The following LRFN5 variants were observed in gnomAD, a reference collection of about 807,000 sequenced individuals.
LRFN5 encodes the protein leucine-rich repeat and fibronectin type-III domain-containing protein 5.
A neutral mutation model predicts 45.6 loss-of-function variants in LRFN5; 24 were observed. The ratio of observed to expected loss-of-function variants is 0.53; its 90% confidence interval spans 0.38 to 0.74. The LOEUF (loss-of-function observed/expected upper bound fraction) is 0.74. LRFN5 is among the 30% of genes least tolerant of loss of function. LRFN5 has a pLI of 0.00. For missense variants in LRFN5, 776 were observed against 861.5 expected (o/e 0.90, Z 1.24); for synonymous variants, 340 against 313.8 (o/e 1.08, Z -0.88).
chr14:41,803,805 C>G (rs183325530), intron 2 of LRFN5, among the ~76,000 whole-genome samples: 130 of 152,190 alleles, frequency 8.5e-4, no homozygotes, highest in African/African-American at 3.0e-3. Flanking sequence ...AGAGGAAATG[C>G]AATGGAGAAA....
chr14:41,884,666 C>G (rs1183634656), intron 2 of LRFN5, among the ~76,000 whole-genome samples: 1 of 152,068 alleles, frequency 6.6e-6, no homozygotes, highest in Non-Finnish European at 1.5e-5. Flanking sequence ...TAACACCCTC[C>G]CCTTAACGAT....
At chr14:41,816,326 C>A (rs930737511) in intron 2 of LRFN5, among the ~76,000 whole-genome samples, 2 of 151,986 alleles carry the variant, frequency 1.3e-5, no homozygotes, top group Non-Finnish European at 2.9e-5. Context: ...TCTGTTAGAT[C>A]AATTAAGAAC....
At chr14:41,801,965 C>G (rs1352175118) in intron 2 of LRFN5, among the ~76,000 whole-genome samples, 2 of 151,894 alleles carry the variant, frequency 1.3e-5, no homozygotes, top group Non-Finnish European at 2.9e-5. Flanking sequence ...GGAATGGACT[C>G]GAAATTCCCA....
chr14:41,694,609 ATTC>A (rs755369341), intron 1 of LRFN5, among the ~76,000 whole-genome samples: 1 of 151,906 alleles, frequency 6.6e-6, no homozygotes, highest in African/African-American at 2.4e-5. Flanking sequence ...TTTCACAGAT[ATTC>A]TTTTTTATAA....
At chr14:41,729,935 A>G (rs1884096631) in intron 1 of LRFN5, among the ~76,000 whole-genome samples, 1 of 151,890 alleles carries the variant, frequency 6.6e-6, no homozygotes, top group Non-Finnish European at 1.5e-5. Context: ...AGAATAATTT[A>G]TTTAAAGAGA....
Position 41,878,473 on chromosome 14 carries a change from T to C in LRFN5, c.-20-8133T>C, listed in dbSNP as rs552129585. Among the ~76,000 whole-genome samples the C allele has an allele frequency of 3.9e-5, 6 of 152,304 alleles. No homozygotes were observed. The East Asian group carries it at 1.2e-3, about 29-fold the overall frequency. The stretch of plus-strand genomic sequence containing the variant: ...TATTCCATCCTGGTTCCCAAATAAG[T>C]ACTGATACTCTTGAGCATATGTTAT... On this transcript the variant is annotated intron_variant, in intron 2 of 5. Coordinates refer to ENST00000298119, the MANE Select transcript of LRFN5 (RefSeq NM_152447.5).
At chr14:41,894,539 A>G (rs927426287) in intron 4 of LRFN5, 28 of 956,436 alleles carry the variant, frequency 2.9e-5, no homozygotes, top group Non-Finnish European at 3.4e-5. Context: ...ATATTTTAAG[A>G]GATTAACAAA....
At chr14:41,705,719 A>C (rs1056062790) in intron 1 of LRFN5, among the ~76,000 whole-genome samples, 5 of 152,172 alleles carry the variant, frequency 3.3e-5, no homozygotes, top group African/African-American at 1.2e-4. Context: ...TTATGCTCAT[A>C]TGTCATTTAC....
In LRFN5 at chr14:41,887,049, G is replaced by T; in HGVS notation, c.424G>T (p.Ala142Ser). 1 of 1,614,082 alleles carries T rather than the reference G, an allele frequency of 6.2e-7. No homozygotes were observed. The highest frequency in any genetic ancestry group is 1.1e-5 in the South Asian group (1 of 91,080). ...TCAGCTGACTTTAATTTCCTCTACAGCGTTTGATGATGTCTTCGCCCTTGA... is the reference window on the plus strand; with the variant it reads ...TCAGCTGACTTTAATTTCCTCTACATCGTTTGATGATGTCTTCGCCCTTGA... Reference protein sequence around the residue: ...NNQLTLISSTAFDDVFALEEL... With the variant: ...NNQLTLISSTSFDDVFALEEL... The change falls in exon 3 of 6, where the codon GCG (alanine) becomes TCG (serine). Residue 142 changes from alanine (A) to serine (S), a missense_variant. This residue lies in a region of LRFN5 where 311 missense variants were observed against 405.1 expected (regional missense o/e 0.77). Coordinates refer to ENST00000298119, the MANE Select transcript of LRFN5 (RefSeq NM_152447.5). This position sits in a 1 kb window ranked among gnomAD's most constrained non-coding sequence, Gnocchi z 4.8.
intron 2 of LRFN5, among the ~76,000 whole-genome samples, chr14:41,849,252 C>T (rs1951872): frequency 1 from 151,445 of 152,090 alleles, 75,405 homozygotes; most frequent in Non-Finnish European, 1. Flanking sequence ...AATCTAGCTA[C>T]TTATTTTCTA....
intron 2 of LRFN5, among the ~76,000 whole-genome samples, chr14:41,811,932 T>G (rs1154610): frequency 0.25 from 38,728 of 151,936 alleles, 5,404 homozygotes; most frequent in South Asian, 0.41. Flanking sequence ...GGTTATTGAT[T>G]TATATTTCAA....
chr14:41,631,767 G>C (rs1888542437), intron 1 of LRFN5, among the ~76,000 whole-genome samples: 1 of 152,074 alleles, frequency 6.6e-6, no homozygotes, highest in Non-Finnish European at 1.5e-5. Flanking sequence ...AAGAACCTTG[G>C]GGCAGAAGCA....
At chr14:41,747,229 C>T (rs577744476) in intron 1 of LRFN5, among the ~76,000 whole-genome samples, 1 of 151,848 alleles carries the variant, frequency 6.6e-6, no homozygotes, top group African/African-American at 2.4e-5. Flanking sequence ...CCTGAATAAC[C>T]AACACAATAT....
rs193104391 is a variant in LRFN5, at chr14:41,726,636, T to A, written c.-196-40218T>A. On this transcript the variant is annotated intron_variant, in intron 1 of 5. Transcript: ENST00000298119. ...TAATGGTTCATATATTTTTTTCTAT[T>A]TTTTTTGACTTTTTAATGGCCATCA... 7.2e-5 allele frequency among the ~76,000 whole-genome samples: 11 copies of A among 152,084 alleles called. No homozygotes were observed. In the East Asian group the frequency reaches 2.1e-3, roughly 29 times the overall value.
At chr14:41,655,552 G>T (rs1400119610) in intron 1 of LRFN5, among the ~76,000 whole-genome samples, 1 of 151,952 alleles carries the variant, frequency 6.6e-6, no homozygotes, top group Non-Finnish European at 1.5e-5. Context: ...TGTGTAGGAT[G>T]GGAAACCATT....
chr14:41,621,637 G>A (rs1888140442), intron 1 of LRFN5, among the ~76,000 whole-genome samples: 1 of 152,054 alleles, frequency 6.6e-6, no homozygotes, highest in Non-Finnish European at 1.5e-5. Flanking sequence ...CTAGAATTAA[G>A]GCTGGAAAAT....
chr14:41,660,190 T>A (rs1025090460), intron 1 of LRFN5, among the ~76,000 whole-genome samples: 4 of 151,994 alleles, frequency 2.6e-5, no homozygotes, highest in Non-Finnish European at 5.9e-5. Flanking sequence ...CATGCCCAGA[T>A]AATTTTTGTA....
chr14:41,674,388 C>T (rs1289014822), intron 1 of LRFN5, among the ~76,000 whole-genome samples: 14 of 134,370 alleles, frequency 1.0e-4, no homozygotes, highest in South Asian at 2.5e-4. Flanking sequence ...CTGACCCCCC[C>T]ACCTCCCTCC....
intron 2 of LRFN5, among the ~76,000 whole-genome samples, chr14:41,850,216 A>G (rs994115657): frequency 1.3e-5 from 2 of 152,106 alleles, no homozygotes; most frequent in Non-Finnish European, 2.9e-5. Flanking sequence ...TAGAATACAC[A>G]TAGGTAATGC....
Sources: gnomAD v4.1 joint callset for allele counts (sites outside exome capture counted in the v4.1 genomes callset) on GRCh38, gnomAD v4.1.1 for gene constraint, gnomAD v4.1.1 regional missense constraint, Gnocchi (gnomAD v3.1) non-coding constraint, MANE v1.5 for transcripts, NCBI Gene and HGNC (gene_info 2026-07-23, HGNC 2026-07-21) for gene names.